The following ESRRG variants were observed in gnomAD, a reference collection of about 807,000 sequenced individuals.
ESRRG encodes estrogen-related receptor gamma.
Under a neutral mutation model 44.0 loss-of-function variants are expected in ESRRG, and 13 were observed. The observed-to-expected ratio is 0.30, with a 90% CI of 0.19 to 0.47. The LOEUF (loss-of-function observed/expected upper bound fraction) is 0.47, where lower values mean the gene tolerates loss of function less well. Among genes scored for constraint, ESRRG ranks in the 20% least tolerant of loss-of-function variants. The probability of loss-of-function intolerance (pLI) is 1.00; values close to 1 mark genes in which losing one functional copy is unlikely to be tolerated. For synonymous variants in ESRRG, 215 were observed against 214.6 expected, an observed-to-expected ratio of 1.00 and a Z score of -0.02; for missense variants, 395 against 580.6, an observed-to-expected ratio of 0.68 and a Z score of 3.29.
At chr1:216,753,281 A>G (rs1043835755) in intron 2 of ESRRG, among the ~76,000 whole-genome samples, 6 of 151,972 alleles carry the variant, frequency 3.9e-5, no homozygotes, top group African/African-American at 1.4e-4. Context: ...ACTACACACT[A>G]GTGCTTATGA....
chr1:216,559,680 G>A (rs1236138046), intron 5 of ESRRG, among the ~76,000 whole-genome samples: 3 of 152,130 alleles, frequency 2.0e-5, no homozygotes, highest in Admixed American at 2.0e-4. Flanking sequence ...GCTTTTGCAC[G>A]TATCCTAATC....
At chr1:216,605,303 A>G (rs1573966537) in intron 3 of ESRRG, among the ~76,000 whole-genome samples, 1 of 152,232 alleles carries the variant, frequency 6.6e-6, no homozygotes, top group Admixed American at 6.5e-5. Flanking sequence ...AAATGAAGGC[A>G]ATGTGATCTG....
At chr1:217,101,135 C>T (rs186521527) in intron 1 of ESRRG, among the ~76,000 whole-genome samples, 1 of 152,258 alleles carries the variant, frequency 6.6e-6, no homozygotes, top group Non-Finnish European at 1.5e-5. Flanking sequence ...GTTCTTTTGG[C>T]CAACCTCATG....
At chr1:216,895,287 T>C (rs893502408) in intron 2 of ESRRG, among the ~76,000 whole-genome samples, 4 of 152,186 alleles carry the variant, frequency 2.6e-5, no homozygotes, top group African/African-American at 4.8e-5. Context: ...TGTTTCTTAC[T>C]TTTAAAAATA....
At chr1:216,777,742 C>G (rs1240839528) in intron 2 of ESRRG, among the ~76,000 whole-genome samples, 1 of 152,132 alleles carries the variant, frequency 6.6e-6, no homozygotes, top group Non-Finnish European at 1.5e-5. Flanking sequence ...TCCTTTCTCT[C>G]TCTTTCTTAT....
intron 2 of ESRRG, among the ~76,000 whole-genome samples, chr1:216,871,856 A>G (rs185719397): frequency 1.3e-5 from 2 of 152,188 alleles, no homozygotes; most frequent in Admixed American, 1.3e-4. Flanking sequence ...ACTCAAGAGG[A>G]AAAGAATTGT....
intron 3 of ESRRG, among the ~76,000 whole-genome samples, chr1:216,591,583 A>G (rs1205891725): frequency 1.3e-5 from 2 of 152,220 alleles, no homozygotes; most frequent in Non-Finnish European, 1.5e-5. Context: ...TTATACCACA[A>G]ATAAATAAAG....
chr1:216,527,176 A>C (rs2047927060), intron 5 of ESRRG, among the ~76,000 whole-genome samples: 1 of 152,178 alleles, frequency 6.6e-6, no homozygotes, highest in African/African-American at 2.4e-5. Context: ...ATCCAAGTAC[A>C]TGTCTATGCA....
intron 3 of ESRRG, among the ~76,000 whole-genome samples, chr1:216,585,041 G>C (rs1470307313): frequency 6.6e-6 from 1 of 152,144 alleles, no homozygotes; most frequent in African/African-American, 2.4e-5. Context: ...AATAAAGTGA[G>C]AGTTCATTCA....
chr1:216,838,491 A>C (rs2095602840), intron 2 of ESRRG, among the ~76,000 whole-genome samples: 1 of 152,158 alleles, frequency 6.6e-6, no homozygotes, highest in South Asian at 2.1e-4. Context: ...CATTCAATGA[A>C]TTTTAGAGGA....
At chr1:217,132,449 A>G (rs1226651535) in intron 1 of ESRRG, among the ~76,000 whole-genome samples, 1 of 152,216 alleles carries the variant, frequency 6.6e-6, no homozygotes, top group Non-Finnish European at 1.5e-5. Flanking sequence ...GGATTGAGAA[A>G]GGTGGGGAAT....
At chr1:216,712,025 T>A (rs12037068) in intron 1 of ESRRG, among the ~76,000 whole-genome samples, 1 of 152,082 alleles carries the variant, frequency 6.6e-6, no homozygotes, top group African/African-American at 2.4e-5. Context: ...TCAAGGAATT[T>A]TATGATTTCA....
chr1:217,112,459 C>T (rs2092671731), intron 1 of ESRRG, among the ~76,000 whole-genome samples: 1 of 152,076 alleles, frequency 6.6e-6, no homozygotes, highest in South Asian at 2.1e-4. Flanking sequence ...TAAATACTGG[C>T]CAACAGTTAG....
intron 3 of ESRRG, among the ~76,000 whole-genome samples, chr1:216,638,992 G>A (rs1439477360): frequency 2.0e-5 from 3 of 152,132 alleles, no homozygotes; most frequent in Non-Finnish European, 2.9e-5. Context: ...CGTATGAATT[G>A]ATAATAACCT....
chr1:216,592,505 T>A (rs1316261834), intron 3 of ESRRG, among the ~76,000 whole-genome samples: 1 of 150,304 alleles, frequency 6.7e-6, no homozygotes, highest in Non-Finnish European at 1.5e-5. Context: ...TCATCTATCT[T>A]TTTTTTTTTC....
chr1:217,087,159 C>T (rs935221114), intron 1 of ESRRG, among the ~76,000 whole-genome samples: 7 of 152,156 alleles, frequency 4.6e-5, no homozygotes, highest in East Asian at 1.9e-4. Flanking sequence ...TTACCTCTGG[C>T]GGGCTTTCGC....
At chr1:216,649,392 T>C (rs2068393997) in intron 3 of ESRRG, among the ~76,000 whole-genome samples, 3 of 152,016 alleles carry the variant, frequency 2.0e-5, no homozygotes, top group African/African-American at 7.2e-5. Context: ...TCACCAATCT[T>C]TAGGTATCCT....
At chr1:217,021,068 A>ACACACACACACC (rs1234035945) in intron 1 of ESRRG, among the ~76,000 whole-genome samples, 1 of 151,360 alleles carries the variant, frequency 6.6e-6, no homozygotes, top group Non-Finnish European at 1.5e-5. Context: ...ACACACACAC[A>ACACACACACACC]CACACACATA....
At chr1:216,539,217 T>C (rs556646176) in intron 5 of ESRRG, among the ~76,000 whole-genome samples, 12 of 151,954 alleles carry the variant, frequency 7.9e-5, no homozygotes, top group African/African-American at 2.2e-4. Flanking sequence ...TATATACCAA[T>C]ATATACCAAT....
Sources: allele counts gnomAD v4.1 joint callset (sites outside exome capture counted in the v4.1 genomes callset), GRCh38; gene constraint gnomAD v4.1.1; transcripts MANE v1.5; gene names NCBI Gene and HGNC (gene_info 2026-07-23, HGNC 2026-07-21).